TLN2: variants seen among roughly 807,000 people sequenced by gnomAD.
TLN2 encodes the protein talin 2, also known as talin-2.
TLN2 carries 118 observed loss-of-function variants against 294.7 expected under a neutral mutation model. That is an observed-to-expected ratio of 0.40 (90% CI 0.34 to 0.47). TLN2 has a LOEUF of 0.47. Ranked by LOEUF, TLN2 falls within the 20% of genes least tolerant of loss-of-function variation. TLN2 has a pLI of 0.84. For synonymous variants in TLN2, 1,431 were observed against 1,304.5 expected (o/e 1.10, Z -2.09); for missense variants, 3,083 against 3,282.2 (o/e 0.94, Z 1.48).
rs143904016 is a variant in TLN2, at chr15:62,709,738, T to C, written c.2467+942T>C. ...AAGACTTTTTTTTTCTTTTTTCTTTTTTCTTTTTCTTTTTGAGATGGAGTC... is the reference window on the plus strand; with the variant it reads ...AAGACTTTTTTTTTCTTTTTTCTTTCTTCTTTTTCTTTTTGAGATGGAGTC... On this transcript the variant is annotated intron_variant, in intron 21 of 58. Coordinates refer to ENST00000636159, the MANE Select transcript of TLN2 (RefSeq NM_015059.3). Among the ~76,000 whole-genome samples the C allele has an allele frequency of 6.4e-3, 977 of 152,116 alleles. 4 individuals carry two copies. The highest frequency in any genetic ancestry group is 0.01 in the Non-Finnish European group (683 of 68,008).
At chr15:62,824,227 T>C (rs949805919) in intron 54 of TLN2, among the ~76,000 whole-genome samples, 2 of 152,224 alleles carry the variant, frequency 1.3e-5, no homozygotes. Flanking sequence ...TAAGTGTTGA[T>C]GTTTCATAAG....
intron 15 of TLN2, 40 bp from the exon 16 acceptor site, chr15:62,698,714 G>A (rs754039858): frequency 1.3e-6 from 2 of 1,549,986 alleles, no homozygotes; most frequent in Non-Finnish European, 1.8e-6. Flanking sequence ...GTCGGTCCCA[G>A]GCGTGTGGGA....
chr15:62,762,992 G>T (rs1192798212), intron 39 of TLN2, among the ~76,000 whole-genome samples: 5 of 152,188 alleles, frequency 3.3e-5, no homozygotes, highest in Non-Finnish European at 1.5e-5. Context: ...CATTTCTGAA[G>T]TTAACCAGTA....
intron 1 of TLN2, among the ~76,000 whole-genome samples, chr15:62,546,366 T>C (rs889341780): frequency 6.6e-6 from 1 of 152,148 alleles, no homozygotes; most frequent in African/African-American, 2.4e-5. Context: ...GATAGAGATA[T>C]TGTGATTGGT....
intron 35 of TLN2, 25 bp from the exon 36 acceptor site, chr15:62,753,748 T>G (rs1370094089): frequency 6.3e-7 from 1 of 1,587,494 alleles, no homozygotes; most frequent in Non-Finnish European, 8.6e-7. Context: ...GAGCCTGAGC[T>G]GTGGTTTTTC....
chr15:62,503,763 A>G (rs911003259), intron 1 of TLN2, among the ~76,000 whole-genome samples: 1 of 152,016 alleles, frequency 6.6e-6, no homozygotes, highest in Non-Finnish European at 1.5e-5. Flanking sequence ...GTTTCTTCTC[A>G]TTCCTCTCCG....
chr15:62,401,347 G>A (rs1286964854), intron 1 of TLN2, among the ~76,000 whole-genome samples: 2 of 152,134 alleles, frequency 1.3e-5, no homozygotes, highest in Non-Finnish European at 2.9e-5. Flanking sequence ...TGGAGTGCCA[G>A]CCACTTAGTT....
At chr15:62,638,453 C>G (rs2050633909) in intron 3 of TLN2, 1 of 444,244 alleles carries the variant, frequency 2.3e-6, no homozygotes, top group Non-Finnish European at 4.5e-6. Context: ...GTGCCAAGAA[C>G]TACCTGGCAA....
intron 1 of TLN2, among the ~76,000 whole-genome samples, chr15:62,550,991 AG>A (rs2042264093): frequency 6.6e-6 from 1 of 152,166 alleles, no homozygotes; most frequent in African/African-American, 2.4e-5. Flanking sequence ...GGGAGCCCTG[AG>A]CTTGTTTTCC....
In TLN2 at chr15:62,739,464, G is replaced by A; in HGVS notation, c.3804G>A (p.Glu1268=). The A allele has an allele frequency of 6.2e-7, 1 of 1,614,228 alleles. No homozygotes were observed. The highest frequency in any genetic ancestry group is 8.5e-7 in the Non-Finnish European group (1 of 1,180,040). The stretch of plus-strand genomic sequence containing the variant: ...ATGCCACCCGGGGCCAGAGTGGAGA[G>A]TTGGCTGCAGCCTCTGGAAAGTTCA... The part of the protein sequence containing the change: ...VVHATRGQSG[E]LAAASGKFSD... The change falls in exon 31 of 59, where the codon GAG becomes GAA. Residue 1268 remains glutamate (E), a synonymous_variant. Coordinates refer to ENST00000636159, the MANE Select transcript of TLN2 (RefSeq NM_015059.3).
At chr15:62,690,226 G>T (rs1292681852) in intron 12 of TLN2, 1 of 160,116 alleles carries the variant, frequency 6.2e-6, no homozygotes, top group Non-Finnish European at 1.3e-5. Context: ...GGTGGCTGCC[G>T]GGCGGAGAGG....
intron 50 of TLN2, among the ~76,000 whole-genome samples, chr15:62,801,824 G>T (rs2065945949): frequency 1.3e-5 from 2 of 152,120 alleles, no homozygotes; most frequent in Non-Finnish European, 2.9e-5. Context: ...GTTTATGTTT[G>T]ATTTTTGTGG....
At chr15:62,457,268 G>T (rs141913599) in intron 1 of TLN2, among the ~76,000 whole-genome samples, 1 of 152,190 alleles carries the variant, frequency 6.6e-6, no homozygotes, top group Non-Finnish European at 1.5e-5. Context: ...GAGGGAGAGC[G>T]TGCGAGCGTG....
chr15:62,658,743 G>A (rs924419235), intron 9 of TLN2, among the ~76,000 whole-genome samples: 1 of 152,142 alleles, frequency 6.6e-6, no homozygotes, highest in Non-Finnish European at 1.5e-5. Flanking sequence ...GGAACCTCGG[G>A]AAGCTTCCCC....
chr15:62,763,223 C>T (rs66491411), intron 39 of TLN2: 2,514 of 125,706 alleles, frequency 0.02, 25 homozygotes, highest in African/African-American at 0.046. Context: ...TTTTTTTTTT[C>T]TTTTTTTTTT....
intron 1 of TLN2, among the ~76,000 whole-genome samples, chr15:62,573,885 T>C (rs2044150446): frequency 6.6e-6 from 1 of 152,032 alleles, no homozygotes; most frequent in South Asian, 2.1e-4. Flanking sequence ...GGGAAATAGC[T>C]ACCCAAGCTC....
At chr15:62,492,504 C>T (rs899154727) in intron 1 of TLN2, among the ~76,000 whole-genome samples, 2 of 141,448 alleles carry the variant, frequency 1.4e-5, no homozygotes, top group African/African-American at 2.7e-5. Flanking sequence ...TGCAGTGAGC[C>T]GAGATGGCGC....
At chr15:62,508,216 T>C (rs578187971) in intron 1 of TLN2, among the ~76,000 whole-genome samples, 3 of 151,836 alleles carry the variant, frequency 2.0e-5, no homozygotes, top group South Asian at 4.1e-4. Context: ...AAAATTATTT[T>C]ATTTATTTAT....
intron 52 of TLN2, among the ~76,000 whole-genome samples, chr15:62,818,184 C>T (rs1298663465): frequency 2.0e-5 from 3 of 152,158 alleles, no homozygotes; most frequent in Non-Finnish European, 4.4e-5. Context: ...AGGTTTAAAA[C>T]CGGTAATGGA....
Sources: gnomAD v4.1 joint callset for allele counts (sites outside exome capture counted in the v4.1 genomes callset) on GRCh38, gnomAD v4.1.1 for gene constraint, MANE v1.5 for transcripts, NCBI Gene and HGNC (gene_info 2026-07-23, HGNC 2026-07-21) for gene names.